ZFYVE9: variants seen among roughly 807,000 people sequenced by gnomAD.
The protein encoded by ZFYVE9 is zinc finger FYVE-type containing 9, also known as zinc finger FYVE domain-containing protein 9.
Under a neutral mutation model 126.7 loss-of-function variants are expected in ZFYVE9, and 43 were observed. That is an observed-to-expected ratio of 0.34 (90% CI 0.27 to 0.44). The LOEUF is 0.44. Among genes scored for constraint, ZFYVE9 ranks in the 20% least tolerant of loss-of-function variants. The pLI is 1.00. For synonymous variants in ZFYVE9, 521 were observed against 597.4 expected, an observed-to-expected ratio of 0.87 and a Z score of 1.87; for missense variants, 1,476 against 1,697.0, an observed-to-expected ratio of 0.87 and a Z score of 2.29.
intron 17 of ZFYVE9, among the ~76,000 whole-genome samples, chr1:52,340,676 G>C (rs892633824): frequency 6.6e-6 from 1 of 151,744 alleles, no homozygotes; most frequent in African/African-American, 2.4e-5. Context: ...GAGGTGGGTG[G>C]ATCACTTGAG....
chr1:52,267,631 A>G (rs999300071), intron 6 of ZFYVE9, among the ~76,000 whole-genome samples: 3 of 152,114 alleles, frequency 2.0e-5, no homozygotes, highest in Non-Finnish European at 4.4e-5. Flanking sequence ...TATTGACATT[A>G]TCATACTCTT....
intron 1 of ZFYVE9, among the ~76,000 whole-genome samples, chr1:52,196,661 C>G (rs1056727915): frequency 3.9e-5 from 6 of 151,962 alleles, no homozygotes; most frequent in Admixed American, 1.3e-4. Context: ...AATTGGAGGT[C>G]ATGATAAACA....
chr1:52,162,593 A>G, intron 1 of ZFYVE9: 1 of 257,756 alleles, frequency 3.9e-6, no homozygotes, highest in African/African-American at 2.3e-5. Flanking sequence ...CACCATTCAA[A>G]GGTCCATATC....
At chr1:52,344,735 C>G in intron 17 of ZFYVE9, 33 bp from the exon 18 acceptor site, 1 of 1,607,964 alleles carries the variant, frequency 6.2e-7, no homozygotes, top group Non-Finnish European at 8.5e-7. Flanking sequence ...AATCTAGGCA[C>G]AAGTTTAAAA....
intron 1 of ZFYVE9, among the ~76,000 whole-genome samples, chr1:52,209,323 CT>C (rs532210268): frequency 2.0e-5 from 3 of 151,342 alleles, no homozygotes; most frequent in East Asian, 1.9e-4. Flanking sequence ...TGGATGAAGA[CT>C]TTTTTTTTAA....
intron 4 of ZFYVE9, among the ~76,000 whole-genome samples, chr1:52,250,814 A>G (rs1645436950): frequency 6.6e-6 from 1 of 151,368 alleles, no homozygotes; most frequent in African/African-American, 2.4e-5. Flanking sequence ...GGCTCAAGGT[A>G]TCCTCCCACC....
chr1:52,324,274 A>C (rs965888165), intron 13 of ZFYVE9, among the ~76,000 whole-genome samples: 2 of 150,264 alleles, frequency 1.3e-5, no homozygotes, highest in African/African-American at 4.9e-5. Context: ...CACACACACA[A>C]AAACAAAAAC....
intron 1 of ZFYVE9, among the ~76,000 whole-genome samples, chr1:52,198,120 G>GGT (rs1553123725): frequency 2.7e-5 from 3 of 111,082 alleles, no homozygotes; most frequent in Non-Finnish European, 5.1e-5. Context: ...GTTTTTTTTT[G>GGT]TTTGTTTTTT....
intron 4 of ZFYVE9, among the ~76,000 whole-genome samples, chr1:52,260,723 A>G (rs1053325128): frequency 3.9e-5 from 6 of 152,176 alleles, no homozygotes; most frequent in African/African-American, 1.4e-4. Flanking sequence ...AGGCTGAGGC[A>G]GGAGAATGGC....
chr1:52,272,683 T>C (rs1645705632), intron 7 of ZFYVE9, among the ~76,000 whole-genome samples: 1 of 149,308 alleles, frequency 6.7e-6, no homozygotes, highest in Non-Finnish European at 1.5e-5. Context: ...CTTTTTTTTT[T>C]TTTTTTTTTT....
chr1:52,318,370 A>ATGTGTGTGTG (rs59683935), intron 13 of ZFYVE9, among the ~76,000 whole-genome samples: 3,309 of 144,320 alleles, frequency 0.023, 51 homozygotes, highest in African/African-American at 0.039. Flanking sequence ...GCATGATTGT[A>ATGTGTGTGTG]TGTGTGTGTG....
chr1:52,284,932 T>G (rs1035042336), intron 10 of ZFYVE9, among the ~76,000 whole-genome samples: 5 of 152,194 alleles, frequency 3.3e-5, no homozygotes, highest in Admixed American at 2.0e-4. Context: ...GGAAATAACA[T>G]TTCAAAAGCA....
At chr1:52,270,860 T>C (rs1645685829) in intron 7 of ZFYVE9, among the ~76,000 whole-genome samples, 1 of 151,922 alleles carries the variant, frequency 6.6e-6, no homozygotes, top group African/African-American at 2.4e-5. Flanking sequence ...CAATCCTACA[T>C]AAGTGAGGGT....
intron 12 of ZFYVE9, among the ~76,000 whole-genome samples, chr1:52,302,679 A>G (rs1158206845): frequency 6.6e-6 from 1 of 151,942 alleles, no homozygotes; most frequent in East Asian, 1.9e-4. Context: ...TGAACCTGGG[A>G]GGCAGAGGAT....
At chr1:52,143,444 A>C (rs564158099) in intron 1 of ZFYVE9, among the ~76,000 whole-genome samples, 1 of 152,376 alleles carries the variant, frequency 6.6e-6, no homozygotes, top group South Asian at 2.1e-4. Flanking sequence ...TATAAGACTT[A>C]TAGGTACTTG....
chr1:52,337,694 A>C (rs1646401455), intron 15 of ZFYVE9, 78 bp from the exon 16 acceptor site: 1 of 1,534,622 alleles, frequency 6.5e-7, no homozygotes, highest in Admixed American at 1.8e-5. Context: ...TAAGGTTTAC[A>C]TTTAACTCGG....
intron 1 of ZFYVE9, among the ~76,000 whole-genome samples, chr1:52,163,949 AC>A (rs1471364358): frequency 6.6e-6 from 1 of 152,040 alleles, no homozygotes; most frequent in African/African-American, 2.4e-5. Flanking sequence ...ATTGAATATG[AC>A]CCAAATTTCT....
intron 5 of ZFYVE9, among the ~76,000 whole-genome samples, chr1:52,265,469 C>G (rs981770015): frequency 1.3e-5 from 2 of 152,136 alleles, no homozygotes; most frequent in African/African-American, 4.8e-5. Flanking sequence ...GTGGTATTAC[C>G]TGAACCTAGA....
intron 10 of ZFYVE9, among the ~76,000 whole-genome samples, chr1:52,289,196 T>TGCG (rs1169577680): frequency 1.3e-5 from 2 of 152,186 alleles, no homozygotes; most frequent in East Asian, 3.8e-4. Context: ...TTTGAAAGGC[T>TGCG]GCGTGACATA....
Sources: allele counts gnomAD v4.1 joint callset (sites outside exome capture counted in the v4.1 genomes callset), GRCh38; gene constraint gnomAD v4.1.1; transcripts MANE v1.5; gene names NCBI Gene and HGNC (gene_info 2026-07-23, HGNC 2026-07-21).